Variants in DIP2A observed in about 807,000 individuals in gnomAD.
DIP2A encodes DIP2 acetate--CoA ligase A.
In DIP2A, 85 loss-of-function variants were observed where a neutral mutation model predicts 177.4. That is an observed-to-expected ratio of 0.48 (90% CI 0.40 to 0.57). DIP2A has a LOEUF of 0.57. DIP2A is among the 20% of genes least tolerant of loss of function. DIP2A has a pLI of 0.00. For synonymous variants in DIP2A, 886 were observed against 881.8 expected (o/e 1.00, Z -0.08); for missense variants, 1,791 against 2,100.2 (o/e 0.85, Z 2.88).
Position 46,557,635 on chromosome 21 carries a change from G to A in DIP2A, c.3680G>A (p.Ser1227Asn). The A allele has an allele frequency of 2.5e-6, 4 of 1,613,484 alleles. No individual in the cohort carries two copies. The highest frequency in any genetic ancestry group is 2.5e-6 in the Non-Finnish European group (3 of 1,179,826). ...SVLVPPLELE[S>N]NVSLWLSAVS... The stretch of plus-strand genomic sequence containing the variant: ...CTGGTGCCCCCGCTGGAGCTGGAGA[G>A]CAACGTGTCCCTGTGGCTGTCGGCC... The change falls in exon 31 of 38, where the codon AGC (serine) becomes AAC (asparagine). Residue 1227 changes from serine to asparagine, a missense_variant. Physicochemically the swap from Ser to Asn is conservative, Grantham distance 46. Coordinates refer to ENST00000417564, the MANE Select transcript of DIP2A (RefSeq NM_015151.4). The surrounding 1 kb of genome is among the most constrained non-coding windows in gnomAD (Gnocchi z 6.0).
intron 16 of DIP2A, chr21:46,538,935 T>C: frequency 8.4e-6 from 2 of 239,440 alleles, no homozygotes; most frequent in Non-Finnish European, 1.6e-5. Flanking sequence ...CTCCTGCCCT[T>C]TGTCCTGGTG....
intron 1 of DIP2A, among the ~76,000 whole-genome samples, chr21:46,463,699 TG>T (rs1185232731): frequency 6.6e-6 from 1 of 151,440 alleles, no homozygotes; most frequent in Non-Finnish European, 1.5e-5. Context: ...TGTGTGTGTG[TG>T]TGTGTGTGTG....
rs1428315480 is a variant in DIP2A at position 46,549,632 on chromosome 21, A to T, written c.2523-139A>T. 5 of 1,434,826 alleles carry T rather than the reference A, an allele frequency of 3.5e-6. No individual in the cohort carries two copies. In the East Asian group the frequency reaches 1.2e-4, roughly 35 times the overall value. 88.9% of individuals were successfully genotyped at this position (1,434,826 alleles called of 1,614,324 possible). ...ATTAGAATGATGAGTTACTTTTTGA[A>T]TGTGCAGCAGGTAGCCCCATTTGAT... On this transcript the variant is annotated intron_variant, in intron 21 of 37. Coordinates refer to ENST00000417564, the MANE Select transcript of DIP2A (RefSeq NM_015151.4).
rs1234970482 is a variant in DIP2A, at chr21:46,506,781, T to C, written c.784+2292T>C. On this transcript the variant is annotated intron_variant, in intron 6 of 37. Transcript: ENST00000417564. The stretch of plus-strand genomic sequence containing the variant: ...CTTTCTTTCTTTCTTTCTTTTCTTT[T>C]CTTTCTTTTCTTTCTTTCTTCTCTT... Among the ~76,000 whole-genome samples the C allele has an allele frequency of 7.2e-3, 1,013 of 140,430 alleles. 10 individuals carry two copies. Among genetic ancestry groups the C allele is most frequent in the Middle Eastern group, 0.014 (4 of 288 alleles). 92.1% of individuals were successfully genotyped at this position (140,430 alleles called of 152,430 possible).
the DIP2A span, among the ~76,000 whole-genome samples, chr21:46,578,038 G>C: frequency 2.0e-5 from 3 of 152,176 alleles, no homozygotes; most frequent in Non-Finnish European, 4.4e-5. Context: ...TGGAGGCTGG[G>C]CGTGGTGGCT....
intron 9 of DIP2A, among the ~76,000 whole-genome samples, chr21:46,530,439 A>AGG (rs1476564565): frequency 6.6e-6 from 1 of 152,218 alleles, no homozygotes; most frequent in Non-Finnish European, 1.5e-5. Context: ...AAAGTAAGGA[A>AGG]GGGAGGAAAG....
intron 5 of DIP2A, among the ~76,000 whole-genome samples, chr21:46,500,869 A>G (rs1417332694): frequency 2.0e-5 from 3 of 152,222 alleles, no homozygotes; most frequent in African/African-American, 7.2e-5. Flanking sequence ...ATGTTGGTGG[A>G]AGACAGCTCC....
chr21:46,538,657 C>G, intron 16 of DIP2A, 55 bp downstream of exon 16: 1 of 1,534,310 alleles, frequency 6.5e-7, no homozygotes, highest in South Asian at 1.2e-5. Context: ...CTCCTGCAAA[C>G]CAAAGTAGAA....
Position 46,459,200 on chromosome 21 carries a change from G to A in DIP2A, c.69G>A (p.Glu23=). 1.3e-6 allele frequency: 2 copies of A among 1,524,958 alleles called. No homozygotes were observed. The highest frequency in any genetic ancestry group is 2.9e-5 in the African/African-American group (2 of 69,450). 94.5% of individuals were successfully genotyped at this position (1,524,958 alleles called of 1,614,324 possible). The stretch of plus-strand genomic sequence containing the variant: ...CCGAGGTGCGGGAGAGCCTGGCTGA[G>A]CTGGAGCTGGAGCTGTCGGAAGGTG... ...LPAEVRESLA[E]LELELSEGDI... Residue 23 remains glutamate (E), a synonymous_variant, in exon 1 of 38, where the codon GAG becomes GAA. Coordinates refer to ENST00000417564, the MANE Select transcript of DIP2A (RefSeq NM_015151.4).
At chr21:46,499,184 C>G (rs1010972886) in intron 5 of DIP2A, among the ~76,000 whole-genome samples, 7 of 152,154 alleles carry the variant, frequency 4.6e-5, no homozygotes, top group African/African-American at 1.7e-4. Flanking sequence ...TGGGAAATGT[C>G]CTTTTGGTAA....
chr21:46,460,988 C>G (rs111901277), intron 1 of DIP2A, among the ~76,000 whole-genome samples: 11,604 of 151,614 alleles, frequency 0.077, 1,071 homozygotes, highest in African/African-American at 0.23. Context: ...GCCACCGTGC[C>G]TGGCTTGTGG....
intron 2 of DIP2A, among the ~76,000 whole-genome samples, chr21:46,489,330 G>T (rs2056875177): frequency 6.6e-6 from 1 of 152,206 alleles, no homozygotes; most frequent in Admixed American, 6.5e-5. Flanking sequence ...CCTGTCCACA[G>T]AGCCAGAGCT....
chr21:46,555,849 C>T, intron 28 of DIP2A, 133 bp from the exon 29 acceptor site: 2 of 742,100 alleles, frequency 2.7e-6, no homozygotes, highest in Non-Finnish European at 4.9e-6. Flanking sequence ...TCGTCACGGC[C>T]CCACTCCCGT....
At chr21:46,493,978 G>T (rs768934343) in intron 3 of DIP2A, among the ~76,000 whole-genome samples, 1 of 151,938 alleles carries the variant, frequency 6.6e-6, no homozygotes, top group Admixed American at 6.6e-5. Context: ...AGCAAATCTC[G>T]GATATGTTAT....
intron 1 of DIP2A, among the ~76,000 whole-genome samples, chr21:46,475,123 G>A (rs1205878415): frequency 1.3e-5 from 2 of 152,158 alleles, no homozygotes; most frequent in Admixed American, 1.3e-4. Flanking sequence ...CAGAAGATGT[G>A]CAGCTGAAAG....
chr21:46,563,655 T>G lies in DIP2A; in HGVS notation c.4090-203T>G. 1.1e-6 allele frequency: 1 copy of G among 884,240 alleles called. No individual in the cohort carries two copies. Among genetic ancestry groups the G allele is most frequent in the Non-Finnish European group, 1.6e-6 (1 of 621,638 alleles). 54.8% of individuals were successfully genotyped at this position (884,240 alleles called of 1,614,324 possible). A position where few individuals can be genotyped will look rare whatever the true frequency, so the allele number is the denominator to read the frequency against. Reference sequence around the variant, plus strand: ...CGGGATCCCTTCTCAGGAACTGGAGTCATTTTGCTTATTTCTATTAACATC... The same window carrying G: ...CGGGATCCCTTCTCAGGAACTGGAGGCATTTTGCTTATTTCTATTAACATC... On this transcript the variant is annotated intron_variant, in intron 34 of 37. Coordinates refer to ENST00000417564, the MANE Select transcript of DIP2A (RefSeq NM_015151.4). The surrounding 1 kb of genome is among the most constrained non-coding windows in gnomAD (Gnocchi z 4.3).
At chr21:46,523,274 G>A (rs112285194) in intron 8 of DIP2A, among the ~76,000 whole-genome samples, 4,469 of 151,384 alleles carry the variant, frequency 0.03, 74 homozygotes, top group African/African-American at 0.044. Flanking sequence ...TGGCTCTGTC[G>A]CCCAGGCTGG....
intron 8 of DIP2A, among the ~76,000 whole-genome samples, chr21:46,522,331 C>A (rs1226722243): frequency 6.6e-6 from 1 of 152,208 alleles, no homozygotes; most frequent in Non-Finnish European, 1.5e-5. Context: ...TTTCCATTTT[C>A]CAGTTTCTAA....
At position 46,567,757 on chromosome 21, in the gene DIP2A, C is replaced by T. The variant is rs534380913; in HGVS notation, c.*135C>T. 11 of 1,046,860 alleles carry T rather than the reference C, an allele frequency of 1.1e-5. No individual in the cohort carries two copies. In the East Asian group the frequency reaches 1.4e-4, roughly 13 times the overall value. The allele number at this position is 1,046,860 out of a possible 1,614,324, so 64.8% of individuals were successfully genotyped here. On this transcript the variant is annotated 3_prime_UTR_variant, in exon 38 of 38. Coordinates refer to ENST00000417564, the MANE Select transcript of DIP2A (RefSeq NM_015151.4). ...CTTACAGATCCCTCTCAACAATCCC[C>T]GCATCTCCTTTTAGAAAGCACTTCC... is the stretch of plus-strand genomic sequence containing the variant.
Sources: allele counts gnomAD v4.1 joint callset (sites outside exome capture counted in the v4.1 genomes callset), GRCh38; gene constraint gnomAD v4.1.1; non-coding constraint Gnocchi (gnomAD v3.1); transcripts MANE v1.5; gene names NCBI Gene and HGNC (gene_info 2026-07-23, HGNC 2026-07-21).